ZMYM4: variants seen among roughly 807,000 people sequenced by gnomAD.
ZMYM4 encodes zinc finger MYM-type protein 4.
In ZMYM4, 31 loss-of-function variants were observed where a neutral mutation model predicts 183.2. That is an observed-to-expected ratio of 0.17 (90% CI 0.13 to 0.23). ZMYM4 has a LOEUF of 0.23. Ranked by LOEUF, ZMYM4 falls within the 10% of genes least tolerant of loss-of-function variation. ZMYM4 has a pLI of 1.00. For synonymous variants in ZMYM4, 592 were observed against 631.2 expected (o/e 0.94, Z 0.93); for missense variants, 1,273 against 1,840.3 (o/e 0.69, Z 5.64).
intron 2 of ZMYM4, among the ~76,000 whole-genome samples, chr1:35,355,661 T>A (rs944865132): frequency 6.6e-6 from 1 of 152,200 alleles, no homozygotes; most frequent in African/African-American, 2.4e-5. Flanking sequence ...AAAGTCACAT[T>A]TGATCTTTTA....
At chr1:35,354,879 A>G (rs1643759385) in intron 2 of ZMYM4, among the ~76,000 whole-genome samples, 1 of 152,000 alleles carries the variant, frequency 6.6e-6, no homozygotes, top group Admixed American at 6.6e-5. Context: ...GGGGTTGGCA[A>G]ATGTTTTTCT....
In ZMYM4 at chr1:35,300,423, A is replaced by G. The variant is rs1641228227; in HGVS notation, c.40-24937A>G. 2.0e-5 allele frequency among the ~76,000 whole-genome samples: 3 copies of G among 152,220 alleles called. No individual in the cohort carries two copies. The South Asian group carries it at 6.2e-4, about 32-fold the overall frequency. On this transcript the variant is annotated intron_variant, in intron 1 of 29. Transcript: ENST00000314607. ...TATGGTTTATTTCAAACTTCTGCAC[A>G]GGGTTCATTGAGCATTCTGATTCTG...
intron 2 of ZMYM4, among the ~76,000 whole-genome samples, chr1:35,356,683 T>G (rs1181425044): frequency 6.6e-6 from 1 of 152,228 alleles, no homozygotes; most frequent in African/African-American, 2.4e-5. Context: ...AGCTATCTCT[T>G]TCATCATTTT....
At chr1:35,318,456 G>GT (rs888696701) in intron 1 of ZMYM4, among the ~76,000 whole-genome samples, 9 of 150,938 alleles carry the variant, frequency 6.0e-5, no homozygotes, top group South Asian at 4.2e-4. Flanking sequence ...AGGGTTTTTT[G>GT]TTTTTTTGTT....
intron 18 of ZMYM4, among the ~76,000 whole-genome samples, chr1:35,394,188 T>C (rs1644766069): frequency 7.2e-6 from 1 of 138,502 alleles, no homozygotes; most frequent in Non-Finnish European, 1.6e-5. Context: ...TTTTTTTTTT[T>C]TTTTATGAAC....
intron 9 of ZMYM4, among the ~76,000 whole-genome samples, chr1:35,384,109 G>C (rs770912656): frequency 8.5e-5 from 13 of 152,098 alleles, no homozygotes; most frequent in African/African-American, 2.9e-4. Context: ...AAGATAAGAC[G>C]TATAAATGAG....
At position 35,359,429 on chromosome 1, in the gene ZMYM4, G is replaced by GT; in HGVS notation, c.597dup (p.Asp200Ter). ...GATTTGGATTCAAGGTTGAAAAGCA[G>GT]TTTTTTTGATAAAGCAGGTAATAAT... On this transcript the variant is annotated frameshift_variant, in exon 3 of 30. Transcript: ENST00000314607. LOFTEE classifies it high-confidence loss of function. The GT allele has an allele frequency of 1.9e-6, 3 of 1,562,084 alleles. No individual in the cohort carries two copies. Among genetic ancestry groups the GT allele is most frequent in the South Asian group, 1.2e-5 (1 of 81,656 alleles).
chr1:35,409,792 T>C (rs1639800069), intron 26 of ZMYM4, among the ~76,000 whole-genome samples: 2 of 151,962 alleles, frequency 1.3e-5, no homozygotes. Flanking sequence ...ATACAAAAAT[T>C]AGCTGGGCGT....
rs966855149 is a variant in ZMYM4 at position 35,391,956 on chromosome 1, G to A, written c.2588-256G>A. ...CTTGGGAGGCTGAGGCAGGGGAATC[G>A]CTTGAACCCGGGAGGTGGAGGTCGC... On this transcript the variant is annotated intron_variant, in intron 15 of 29. Coordinates refer to ENST00000314607, the MANE Select transcript of ZMYM4 (RefSeq NM_005095.3). Among the ~76,000 whole-genome samples, 5 of 152,130 alleles carry A rather than the reference G, an allele frequency of 3.3e-5. No individual in the cohort carries two copies. In the East Asian group the frequency reaches 5.8e-4, roughly 18 times the overall value.
In ZMYM4 at chr1:35,393,737, C is replaced by A. The variant is rs1244211619; in HGVS notation, c.2909C>A (p.Thr970Lys). The change falls in exon 18 of 30, where the codon ACA becomes AAA. Residue 970 changes from threonine to lysine, a missense_variant and splice_region_variant. By Grantham distance (78) the Thr-to-Lys change is moderately conservative (BLOSUM62 -1). Transcript: ENST00000314607. ...KPHTQNKECQTEDTPSQPQII... is the reference protein window; with the variant it reads ...KPHTQNKECQKEDTPSQPQII... ...CATACCCAAAACAAAGAATGCCAGA[C>A]AGGTATGTTCCTTGGTCTTTCTTTC... The A allele has an allele frequency of 6.3e-7, 1 of 1,598,660 alleles. No individual in the cohort carries two copies. The highest frequency in any genetic ancestry group is 8.5e-7 in the Non-Finnish European group (1 of 1,174,372).
At chr1:35,413,043 C>T (rs967412203) in intron 26 of ZMYM4, among the ~76,000 whole-genome samples, 5 of 151,918 alleles carry the variant, frequency 3.3e-5, no homozygotes, top group East Asian at 1.9e-4. Flanking sequence ...TGACCTGCGC[C>T]GTCAGTACTT....
intron 1 of ZMYM4, among the ~76,000 whole-genome samples, chr1:35,323,352 A>G (rs985512869): frequency 2.0e-5 from 3 of 152,148 alleles, no homozygotes; most frequent in Non-Finnish European, 2.9e-5. Flanking sequence ...AAAAATGAGC[A>G]GTAGCTCTAG....
intron 1 of ZMYM4, among the ~76,000 whole-genome samples, chr1:35,315,376 G>A (rs1641999154): frequency 6.6e-6 from 1 of 151,416 alleles, no homozygotes; most frequent in African/African-American, 2.4e-5. Context: ...GTAGAACTTT[G>A]GTTTTTATTT....
At chr1:35,361,522 G>A (rs1643935947) in intron 4 of ZMYM4, 97 bp from the exon 5 acceptor site, 1 of 1,370,450 alleles carries the variant, frequency 7.3e-7, no homozygotes, top group African/African-American at 1.5e-5. Context: ...TGTCCATAGA[G>A]TTCTTCATTT....
intron 26 of ZMYM4, among the ~76,000 whole-genome samples, chr1:35,411,927 G>A (rs1002057286): frequency 3.3e-5 from 5 of 152,160 alleles, no homozygotes; most frequent in African/African-American, 1.2e-4. Flanking sequence ...CTGTCGCCCA[G>A]GCTGGAGTGC....
intron 7 of ZMYM4, among the ~76,000 whole-genome samples, chr1:35,379,488 G>A (rs887954444): frequency 2.0e-5 from 3 of 152,128 alleles, no homozygotes; most frequent in Non-Finnish European, 2.9e-5. Context: ...CGCCCGCCTC[G>A]GCCTTCCAAA....
intron 1 of ZMYM4, among the ~76,000 whole-genome samples, chr1:35,296,831 C>CTTTT (rs1641036837): frequency 1.6e-5 from 2 of 122,276 alleles, no homozygotes; most frequent in East Asian, 5.1e-4. Flanking sequence ...TTTTCTTTTT[C>CTTTT]TTTCTTTCTT....
At chr1:35,417,737 C>T (rs1298765555) in intron 28 of ZMYM4, among the ~76,000 whole-genome samples, 1 of 152,058 alleles carries the variant, frequency 6.6e-6, no homozygotes, top group African/African-American at 2.4e-5. Flanking sequence ...CGACCGGGCA[C>T]GGTGGTTCAT....
At chr1:35,401,323 C>G (rs367547583) in intron 23 of ZMYM4, among the ~76,000 whole-genome samples, 23 of 152,276 alleles carry the variant, frequency 1.5e-4, no homozygotes, top group African/African-American at 4.3e-4. Flanking sequence ...TTTAGCCATT[C>G]TAGTCAATGT....
Sources: allele counts gnomAD v4.1 joint callset (sites outside exome capture counted in the v4.1 genomes callset), GRCh38; gene constraint gnomAD v4.1.1; transcripts MANE v1.5; gene names NCBI Gene and HGNC (gene_info 2026-07-23, HGNC 2026-07-21).